ASMTL: variants seen among roughly 807,000 people sequenced by gnomAD.
ASMTL encodes the protein acetylserotonin O-methyltransferase like.
In ASMTL, 57 loss-of-function variants were observed where a neutral mutation model predicts 60.3. The observed-to-expected ratio is 0.95, with a 90% CI of 0.76 to 1.18. The LOEUF is 1.18. Ranked by LOEUF, ASMTL falls within the 50% of genes most tolerant of loss-of-function variation. The probability of loss-of-function intolerance (pLI) is 0.00; values close to 1 mark genes in which losing one functional copy is unlikely to be tolerated. For synonymous variants in ASMTL, 419 were observed against 373.0 expected (o/e 1.12, Z -1.42); for missense variants, 981 against 852.6 (o/e 1.15, Z -1.88).
intron 1 of ASMTL, among the ~76,000 whole-genome samples, chrX:1,442,743 C>T (rs1462257884): frequency 6.6e-6 from 1 of 152,136 alleles, no homozygotes; most frequent in Non-Finnish European, 1.5e-5. Context: ...AGGAAAAACG[C>T]CAGCAATGAT....
chrX:1,432,709 G>C (rs28619926), intron 5 of ASMTL, among the ~76,000 whole-genome samples: 1 of 57,762 alleles, frequency 1.7e-5, no homozygotes, highest in East Asian at 4.4e-4. Context: ...GGTGCCTGTA[G>C]TCCCAGCTAC....
At chrX:1,449,881 C>T (rs1217354041) in intron 1 of ASMTL, among the ~76,000 whole-genome samples, 1 of 139,408 alleles carries the variant, frequency 7.2e-6, no homozygotes, top group African/African-American at 2.6e-5. Flanking sequence ...TCACCAATAA[C>T]TATGCCCCAT....
At chrX:1,432,503 T>C in intron 5 of ASMTL, 126 bp from the exon 6 acceptor site, 2 of 717,924 alleles carry the variant, frequency 2.8e-6, no homozygotes, top group Non-Finnish European at 5.0e-6. Flanking sequence ...TATGGATGCT[T>C]CATGGGAGAA....
intron 10 of ASMTL, among the ~76,000 whole-genome samples, chrX:1,418,331 G>T (rs186498490): frequency 5.2e-4 from 79 of 152,160 alleles, no homozygotes; most frequent in African/African-American, 1.8e-3. Context: ...AATCCTTCCA[G>T]CCCAGGGGTG....
chrX:1,422,013 A>G (rs1233460609), intron 8 of ASMTL, 171 bp from the exon 9 acceptor site: 2 of 181,534 alleles, frequency 1.1e-5, no homozygotes, highest in African/African-American at 4.8e-5. Context: ...ATGTTAAAAT[A>G]AACATCATCC....
intron 4 of ASMTL, 128 bp from the exon 5 acceptor site, chrX:1,435,211 C>G (rs1375260694): frequency 4.1e-6 from 4 of 975,818 alleles, no homozygotes; most frequent in Non-Finnish European, 6.5e-6. Context: ...CATCTTCTCC[C>G]CGATCGTCCC....
At chrX:1,438,443 C>T (rs2091029534) in intron 3 of ASMTL, among the ~76,000 whole-genome samples, 1 of 152,220 alleles carries the variant, frequency 6.6e-6, no homozygotes. Context: ...ACCAACTTCT[C>T]CTCAGTACCT....
intron 11 of ASMTL, among the ~76,000 whole-genome samples, chrX:1,416,735 A>G (rs1569532183): frequency 6.4e-5 from 1 of 15,724 alleles, no homozygotes; most frequent in Non-Finnish European, 3.7e-3. Flanking sequence ...GACATACCAC[A>G]CACAGTCAGT....
chrX:1,410,364 A>G (rs2089964088), intron 12 of ASMTL, among the ~76,000 whole-genome samples: 1 of 151,704 alleles, frequency 6.6e-6, no homozygotes, highest in Non-Finnish European at 1.5e-5. Flanking sequence ...TATGATGACA[A>G]CACTGCACTC....
In ASMTL at chrX:1,419,093, C is replaced by T. The variant is rs778078906; in HGVS notation, c.1267G>A (p.Glu423Lys). The T allele has an allele frequency of 2.5e-5, 41 of 1,611,208 alleles. No homozygotes were observed. The Admixed American group carries it at 6.7e-4, about 26-fold the overall frequency. ...LFQDAYYQSP[E>K]TRLRFMRAMH... ...GCCCGCATGAACCTCAGCCGCGTCT[C>T]CGGGCTCTGGTAGTACGCATCCTGG... The change falls in exon 10 of 13, where the codon GAG becomes AAG. Residue 423 changes from glutamate (E) to lysine (K), a missense_variant. Glu to Lys is a moderately conservative substitution (Grantham distance 56, BLOSUM62 1). Coordinates refer to ENST00000381317, the MANE Select transcript of ASMTL (RefSeq NM_004192.4).
intron 6 of ASMTL, among the ~76,000 whole-genome samples, chrX:1,431,620 CAA>C (rs2090791417): frequency 2.1e-5 from 3 of 141,024 alleles, no homozygotes; most frequent in Non-Finnish European, 3.0e-5. Context: ...GTATATAATA[CAA>C]TATATTATAA....
At chrX:1,406,726 T>G (rs9803283) in intron 12 of ASMTL, among the ~76,000 whole-genome samples, 18,271 of 128,470 alleles carry the variant, frequency 0.14, 1,160 homozygotes, top group Admixed American at 0.18. Flanking sequence ...ATGGATGGAT[T>G]AGTGAATAGA....
In ASMTL at chrX:1,412,786, G is replaced by C; in HGVS notation, c.1591C>G (p.Pro531Ala). ...YVLCRILHDWPDDKVHKLLSR... is the reference protein window; with the variant it reads ...YVLCRILHDWADDKVHKLLSR... Reference sequence around the variant, plus strand: ...AGTAACTTGTGGACTTTGTCGTCTGGCCAGTCATGCAGGATCCGGCACAGG... The same window carrying C: ...AGTAACTTGTGGACTTTGTCGTCTGCCCAGTCATGCAGGATCCGGCACAGG... Residue 531 changes from proline (P) to alanine (A), a missense_variant, in exon 12 of 13, where the codon CCA (proline) becomes GCA (alanine). Coordinates refer to ENST00000381317, the MANE Select transcript of ASMTL (RefSeq NM_004192.4). 2 of 1,613,966 alleles carry C rather than the reference G, an allele frequency of 1.2e-6. No homozygotes were observed. The highest frequency in any genetic ancestry group is 2.2e-5 in the East Asian group (1 of 44,882).
intron 11 of ASMTL, chrX:1,413,055 G>A (rs1419604818): frequency 2.6e-5 from 16 of 617,140 alleles, no homozygotes; most frequent in Middle Eastern, 4.4e-4. Context: ...TGTCACGCCC[G>A]TGCGGTTTGA....
intron 12 of ASMTL, among the ~76,000 whole-genome samples, chrX:1,411,027 A>G (rs1160613478): frequency 6.6e-6 from 1 of 151,276 alleles, no homozygotes; most frequent in Non-Finnish European, 1.5e-5. Flanking sequence ...CTCTATTAAA[A>G]ATAAAAAATT....
chrX:1,412,741 A>G lies in ASMTL; in HGVS notation c.1636T>C (p.Cys546Arg). Residue 546 changes from cysteine (C) to arginine (R), a missense_variant, in exon 12 of 13, where the codon TGC (cysteine) becomes CGC (arginine). By Grantham distance (180) the Cys-to-Arg change is radical (BLOSUM62 -3). Transcript: ENST00000381317. ...HKLLSRVAES[C>R]KPGAGLLLVE... ...GACGATGGGCTCTCACCTGGCTTGC[A>G]GCTCTCGGCGACCCTGCTGAGTAAC... 2 of 1,613,980 alleles carry G rather than the reference A, an allele frequency of 1.2e-6. No homozygotes were observed. Among genetic ancestry groups the G allele is most frequent in the Non-Finnish European group, 1.7e-6 (2 of 1,179,862 alleles).
chrX:1,410,701 C>A (rs767827188), intron 12 of ASMTL, among the ~76,000 whole-genome samples: 2 of 151,554 alleles, frequency 1.3e-5, no homozygotes, highest in African/African-American at 4.8e-5. Flanking sequence ...TGTGAGCCAC[C>A]GTGCCCGGTC....
chrX:1,417,168 C>T (rs6645286), intron 11 of ASMTL, among the ~76,000 whole-genome samples: 37,925 of 151,138 alleles, frequency 0.25, 5,078 homozygotes, highest in Non-Finnish European at 0.29. Context: ...ACACAACCAC[C>T]GGCCCACAGC....
intron 12 of ASMTL, among the ~76,000 whole-genome samples, chrX:1,407,589 A>T (rs2149264281): frequency 6.6e-6 from 1 of 152,184 alleles, no homozygotes; most frequent in African/African-American, 2.4e-5. Flanking sequence ...CAGGTGACGG[A>T]GCATTGTTAG....
Sources: gnomAD v4.1 joint callset for allele counts (sites outside exome capture counted in the v4.1 genomes callset) on GRCh38, gnomAD v4.1.1 for gene constraint, MANE v1.5 for transcripts, NCBI Gene and HGNC (gene_info 2026-07-23, HGNC 2026-07-21) for gene names.